CPEB4: variants seen among roughly 807,000 people sequenced by gnomAD.
CPEB4 encodes cytoplasmic polyadenylation element binding protein 4, also known as cytoplasmic polyadenylation element-binding protein 4.
Under a neutral mutation model 72.5 loss-of-function variants are expected in CPEB4, and 12 were observed. The ratio of observed to expected loss-of-function variants is 0.17; its 90% confidence interval spans 0.11 to 0.27. The LOEUF (loss-of-function observed/expected upper bound fraction) is 0.27, where lower values mean the gene tolerates loss of function less well. Among genes scored for constraint, CPEB4 ranks in the 10% least tolerant of loss-of-function variants. CPEB4 has a pLI of 1.00. For synonymous variants in CPEB4, 302 were observed against 326.3 expected (o/e 0.93, Z 0.80); for missense variants, 614 against 908.5 (o/e 0.68, Z 4.17).
At chr5:173,894,348 C>T (rs976396367) in intron 1 of CPEB4, among the ~76,000 whole-genome samples, 6 of 151,970 alleles carry the variant, frequency 3.9e-5, no homozygotes, top group East Asian at 1.9e-4. Flanking sequence ...TGGCGGGGTG[C>T]GGTAGCTGAC....
intron 3 of CPEB4, among the ~76,000 whole-genome samples, chr5:173,940,555 A>G (rs1757801605): frequency 6.6e-6 from 1 of 152,196 alleles, no homozygotes; most frequent in African/African-American, 2.4e-5. Flanking sequence ...AAGTGGCGTT[A>G]TTTAGCATTC....
chr5:173,933,662 A>G (rs1401703055), intron 3 of CPEB4, among the ~76,000 whole-genome samples: 2 of 152,242 alleles, frequency 1.3e-5, no homozygotes, highest in Admixed American at 1.3e-4. Flanking sequence ...ATATACATGC[A>G]GAAGAGTTTA....
In CPEB4 at chr5:173,961,597, GATGAATA is replaced by G. The variant is rs1364140090; in HGVS notation, c.*5462_*5468del. On this transcript the variant is annotated 3_prime_UTR_variant, in exon 10 of 10. Transcript: ENST00000265085. ...ATCTTTTGTTTTTACTGTCTAACCA[GATGAATA>G]AACAGTGGAAATTCTCTACCACACT... is the stretch of plus-strand genomic sequence containing the variant. The G allele has an allele frequency of 2.0e-5, 3 of 152,042 alleles. No homozygotes were observed. Among genetic ancestry groups the G allele is most frequent in the African/African-American group, 7.2e-5 (3 of 41,396 alleles). The allele number at this position is 152,042 out of a possible 1,614,324, so 9.4% of individuals were successfully genotyped here.
chr5:173,889,668 A>G lies in CPEB4; in HGVS notation c.-66A>G, dbSNP rs529510551. The G allele has an allele frequency of 1.1e-3, 1,492 of 1,354,372 alleles. No homozygotes were observed. Among genetic ancestry groups the G allele is most frequent in the Admixed American group, 1.5e-3 (60 of 40,980 alleles). The allele number at this position is 1,354,372 out of a possible 1,614,324, so 83.9% of individuals were successfully genotyped here. ...AAACAACTTAAATTTGGGGTAGAGG[A>G]AAAAAAAGGCGTGAGACATCAGGTT... On this transcript the variant is annotated 5_prime_UTR_variant, in exon 1 of 10. Transcript: ENST00000265085.
chr5:173,940,308 A>G (rs1031755351), intron 3 of CPEB4, among the ~76,000 whole-genome samples: 1 of 152,186 alleles, frequency 6.6e-6, no homozygotes, highest in African/African-American at 2.4e-5. Flanking sequence ...ACTTTTCCAA[A>G]ATGTAGATTT....
In CPEB4 at chr5:173,900,332, G is replaced by A. The variant is rs933375373; in HGVS notation, c.1125+9474G>A. Among the ~76,000 whole-genome samples the A allele has an allele frequency of 6.6e-6, 1 of 152,052 alleles. No homozygotes were observed. Among genetic ancestry groups the A allele is most frequent in the Non-Finnish European group, 1.5e-5 (1 of 68,014 alleles). Reference sequence around the variant, plus strand: ...AGGCAGAATAATCACTTGAACCCAGGAGGCAGAGGTTGCAGTGAGCCGAGA... The same window carrying A: ...AGGCAGAATAATCACTTGAACCCAGAAGGCAGAGGTTGCAGTGAGCCGAGA... On this transcript the variant is annotated intron_variant, in intron 1 of 9. Coordinates refer to ENST00000265085, the MANE Select transcript of CPEB4 (RefSeq NM_030627.4). The surrounding 1 kb of genome is among the most constrained non-coding windows in gnomAD (Gnocchi z 4.4).
Position 173,889,717 on chromosome 5 carries a change from GCTC to G in CPEB4, c.-14_-12del. On this transcript the variant is annotated 5_prime_UTR_variant, in exon 1 of 10. Coordinates refer to ENST00000265085, the MANE Select transcript of CPEB4 (RefSeq NM_030627.4). The stretch of plus-strand genomic sequence containing the variant: ...TTGTCATTTTTTATTGTGAGATTCT[GCTC>G]CTAAAGATAATAAATGGGGGATTAC... The G allele has an allele frequency of 6.5e-7, 1 of 1,541,012 alleles. No homozygotes were observed. Among genetic ancestry groups the G allele is most frequent in the South Asian group, 1.2e-5 (1 of 80,406 alleles).
At chr5:173,928,903 A>G (rs1169589487) in intron 2 of CPEB4, among the ~76,000 whole-genome samples, 2 of 152,240 alleles carry the variant, frequency 1.3e-5, no homozygotes, top group African/African-American at 2.4e-5. Flanking sequence ...AAAGTTAAAA[A>G]AAGAAAACAG....
Position 173,890,121 on chromosome 5 carries a change from A to G in CPEB4, c.388A>G (p.Lys130Glu). The G allele has an allele frequency of 6.2e-7, 1 of 1,614,208 alleles. No individual in the cohort carries two copies. The highest frequency in any genetic ancestry group is 1.1e-5 in the South Asian group (1 of 91,084). ...GDNSSENGNG[K>E]EKIRIESPVL... is the part of the protein sequence containing the mutation. ...CAATTCTTCGGAAAATGGCAATGGG[A>G]AGGAGAAAATAAGGATCGAATCTCC... The change falls in exon 1 of 10, where the codon AAG becomes GAG. Residue 130 changes from lysine (K) to glutamate (E), a missense_variant. By Grantham distance (56) the Lys-to-Glu change is moderately conservative. Transcript: ENST00000265085.
At chr5:173,942,101 C>T (rs1466798846) in intron 3 of CPEB4, among the ~76,000 whole-genome samples, 1 of 152,274 alleles carries the variant, frequency 6.6e-6, no homozygotes, top group Non-Finnish European at 1.5e-5. Flanking sequence ...TCTTCCTCCT[C>T]TATTCCTGTT....
chr5:173,917,909 T>G (rs927314689), intron 2 of CPEB4, among the ~76,000 whole-genome samples: 4 of 152,218 alleles, frequency 2.6e-5, no homozygotes, highest in Non-Finnish European at 5.9e-5. Context: ...GCTGCCTGCG[T>G]GTCTGGCTGA....
intron 1 of CPEB4, among the ~76,000 whole-genome samples, chr5:173,906,230 C>T (rs1409859024): frequency 6.6e-6 from 1 of 152,186 alleles, no homozygotes; most frequent in Non-Finnish European, 1.5e-5. Flanking sequence ...CATAGGAAAA[C>T]CAGCATTGTT....
chr5:173,904,986 T>A (rs1314881484), intron 1 of CPEB4, among the ~76,000 whole-genome samples: 5 of 96,254 alleles, frequency 5.2e-5, no homozygotes, highest in African/African-American at 1.5e-4. Flanking sequence ...ATAATAATAA[T>A]AATAATAATA....
At chr5:173,915,348 A>G (rs976660467) in intron 2 of CPEB4, among the ~76,000 whole-genome samples, 10 of 152,124 alleles carry the variant, frequency 6.6e-5, no homozygotes, top group African/African-American at 9.7e-5. Context: ...TGAGGCTACT[A>G]TGATTTTTTC....
chr5:173,944,969 C>CA lies in CPEB4; in HGVS notation c.1286dup (p.Ser430ValfsTer13). The CA allele has an allele frequency of 6.2e-7, 1 of 1,606,108 alleles. No homozygotes were observed. Among genetic ancestry groups the CA allele is most frequent in the Non-Finnish European group, 8.5e-7 (1 of 1,174,630 alleles). On this transcript the variant is annotated frameshift_variant, in exon 5 of 10. Transcript: ENST00000265085. LOFTEE classifies it high-confidence loss of function. ...TTTTTCCCTGCTTTCTATTCCAGGT[C>CA]AGTCTTCACTGTTTCCAATGGAAGA...
At chr5:173,918,101 A>G (rs969319093) in intron 2 of CPEB4, 19 of 152,272 alleles carry the variant, frequency 1.2e-4, no homozygotes, top group African/African-American at 4.6e-4. Context: ...CTGGGCTACA[A>G]TTAAATGTGT....
At chr5:173,916,345 T>C (rs1178537415) in intron 2 of CPEB4, among the ~76,000 whole-genome samples, 1 of 152,244 alleles carries the variant, frequency 6.6e-6, no homozygotes, top group Non-Finnish European at 1.5e-5. Flanking sequence ...AGTACTTAAT[T>C]TGAATGTAAG....
chr5:173,946,938 C>G (rs1472494645), intron 5 of CPEB4, among the ~76,000 whole-genome samples: 1 of 152,046 alleles, frequency 6.6e-6, no homozygotes, highest in African/African-American at 2.4e-5. Context: ...CCTGTCCTAC[C>G]ATGCGCATGT....
At chr5:173,918,448 C>T (rs1466134845) in intron 2 of CPEB4, among the ~76,000 whole-genome samples, 7 of 152,116 alleles carry the variant, frequency 4.6e-5, no homozygotes, top group Admixed American at 4.6e-4. Flanking sequence ...GTGCGATTAC[C>T]CCCTTTCAGA....
Sources: allele counts gnomAD v4.1 joint callset (sites outside exome capture counted in the v4.1 genomes callset), GRCh38; gene constraint gnomAD v4.1.1; non-coding constraint Gnocchi (gnomAD v3.1); transcripts MANE v1.5; gene names NCBI Gene and HGNC (gene_info 2026-07-23, HGNC 2026-07-21).